KLF16: variants seen among roughly 807,000 people sequenced by gnomAD.
The protein encoded by KLF16 is Krueppel-like factor 16.
KLF16 carries 6 observed loss-of-function variants against 6.1 expected under a neutral mutation model. The observed-to-expected ratio is 0.98, with a 90% confidence interval of 0.54 to 1.93. The LOEUF (loss-of-function observed/expected upper bound fraction) is 1.93. Ranked by LOEUF, KLF16 falls within the 30% of genes most tolerant of loss-of-function variation. KLF16 has a pLI of 0.01. For missense variants in KLF16, 355 were observed against 363.8 expected (o/e 0.98, Z 0.20); for synonymous variants, 211 against 176.5 (o/e 1.20, Z -1.55).
chr19:1,864,781 G>A (rs566818666), upstream of KLF16, among the ~76,000 whole-genome samples: 13 of 152,218 alleles, frequency 8.5e-5, no homozygotes, highest in Non-Finnish European at 1.6e-4. Context: ...CCAGGGACGC[G>A]GATGGCCCAG....
Position 1,854,340 on chromosome 19 carries a change from G to T in KLF16, c.*119C>A. 8.1e-7 allele frequency: 1 copy of T among 1,240,148 alleles called. No homozygotes were observed. The highest frequency in any genetic ancestry group is 1.0e-6 in the Non-Finnish European group (1 of 960,912). The allele number at this position is 1,240,148 out of a possible 1,614,324, so 76.8% of individuals were successfully genotyped here. A position where few individuals can be genotyped will look rare whatever the true frequency, so the allele number is the denominator to read the frequency against. On this transcript the variant is annotated 3_prime_UTR_variant, in exon 2 of 2. Coordinates refer to ENST00000250916, the MANE Select transcript of KLF16 (RefSeq NM_031918.4). Reference sequence around the variant, plus strand: ...GCCCCCTCCTCACTCTCTGGAGGGGGGCAGGGGTGTCTTCAGGGTTTGCCC... The same window carrying T: ...GCCCCCTCCTCACTCTCTGGAGGGGTGCAGGGGTGTCTTCAGGGTTTGCCC...
chr19:1,865,853 CCTTA>C (rs565139046), upstream of KLF16, among the ~76,000 whole-genome samples: 4 of 152,358 alleles, frequency 2.6e-5, no homozygotes, highest in East Asian at 7.7e-4. Context: ...GTCCTCTCTT[CCTTA>C]CTCTCTATGA....
Position 1,863,031 on chromosome 19 carries a change from C to A in KLF16, c.457+10G>T. The A allele has an allele frequency of 4.4e-6, 6 of 1,356,112 alleles. No homozygotes were observed. The highest frequency in any genetic ancestry group is 5.8e-6 in the Non-Finnish European group (6 of 1,032,370). 84.0% of individuals were successfully genotyped at this position (1,356,112 alleles called of 1,614,324 possible). On this transcript the variant is annotated intron_variant, in intron 1 of 1. Transcript: ENST00000250916. ...GCCCCCGCAAGGGCCGGGATCGCGGCTGCACTCACCTGTGTGCGTCCGCAG... is the reference window on the plus strand; with the variant it reads ...GCCCCCGCAAGGGCCGGGATCGCGGATGCACTCACCTGTGTGCGTCCGCAG...
Position 1,857,442 on chromosome 19 carries a change from G to A in KLF16, c.458-2682C>T, listed in dbSNP as rs1274961548. On this transcript the variant is annotated intron_variant, in intron 1 of 1. Transcript: ENST00000250916. This position sits in a 1 kb window ranked among gnomAD's most constrained non-coding sequence, Gnocchi z 4.7. The stretch of plus-strand genomic sequence containing the variant: ...GCGGGAGGGCAGTGTGGGCGGGGCC[G>A]CGGTGGACTTGACCCTCTGACTCAG... 1.3e-5 allele frequency among the ~76,000 whole-genome samples: 2 copies of A among 152,240 alleles called. No individual in the cohort carries two copies. Among genetic ancestry groups the A allele is most frequent in the South Asian group, 2.1e-4 (1 of 4,832 alleles).
chr19:1,856,730 G>C (rs1351437386), intron 1 of KLF16, among the ~76,000 whole-genome samples: 1 of 152,222 alleles, frequency 6.6e-6, no homozygotes, highest in Non-Finnish European at 1.5e-5. Flanking sequence ...GTGGGAGCGC[G>C]GCTGGAGCAG....
Position 1,854,575 on chromosome 19 carries a change from C to T in KLF16, c.643G>A (p.Asp215Asn). 1.3e-6 allele frequency: 2 copies of T among 1,587,472 alleles called. No homozygotes were observed. The highest frequency in any genetic ancestry group is 2.2e-5 in the South Asian group (2 of 89,864). ...HARRHPGFHPDLLRRPGARST... is the reference protein window; with the variant it reads ...HARRHPGFHPNLLRRPGARST... ...CGGGCACCAGGGCGCCGGAGCAGGT[C>T]CGGGTGGAAGCCGGGGTGGCGGCGG... The change falls in exon 2 of 2, where the codon GAC becomes AAC. Residue 215 changes from aspartate to asparagine, a missense_variant. By Grantham distance (23) the Asp-to-Asn change is conservative. Coordinates refer to ENST00000250916, the MANE Select transcript of KLF16 (RefSeq NM_031918.4).
chr19:1,863,118 T>C lies in KLF16; in HGVS notation c.380A>G (p.His127Arg). Residue 127 changes from histidine (H) to arginine (R), a missense_variant, in exon 1 of 2, where the codon CAC becomes CGC. His to Arg is a conservative substitution (Grantham distance 29). Transcript: ENST00000250916. ...GAAPSAAAKS[H>R]RCPFPDCAKA... ...GGCGCAGTCCGGGAAGGGACAGCGG[T>C]GGCTCTTGGCGGCGGCGGAGGGCGC... is the stretch of plus-strand genomic sequence containing the variant. 3 of 1,353,074 alleles carry C rather than the reference T, an allele frequency of 2.2e-6. No individual in the cohort carries two copies. The highest frequency in any genetic ancestry group is 2.9e-6 in the Non-Finnish European group (3 of 1,033,768). 83.8% of individuals were successfully genotyped at this position (1,353,074 alleles called of 1,614,324 possible).
Position 1,857,860 on chromosome 19 carries a change from G to A in KLF16, c.458-3100C>T, listed in dbSNP as rs796803069. On this transcript the variant is annotated intron_variant, in intron 1 of 1. Transcript: ENST00000250916. This position sits in a 1 kb window ranked among gnomAD's most constrained non-coding sequence, Gnocchi z 4.7. ...CCAGGGAAGGGAGGAGCTCCTGAAGGTGATCCTTGAGCAGGTTCTATAGAA... is the reference window on the plus strand; with the variant it reads ...CCAGGGAAGGGAGGAGCTCCTGAAGATGATCCTTGAGCAGGTTCTATAGAA... 6.6e-6 allele frequency among the ~76,000 whole-genome samples: 1 copy of A among 152,036 alleles called. No homozygotes were observed. The highest frequency in any genetic ancestry group is 2.4e-5 in the African/African-American group (1 of 41,390).
At chr19:1,866,846 C>T (rs1019642273), upstream of KLF16, among the ~76,000 whole-genome samples, 7 of 151,764 alleles carry the variant, frequency 4.6e-5, no homozygotes, top group Non-Finnish European at 8.8e-5. Flanking sequence ...GGGAGAGGAC[C>T]GAGAACAGCC....
At chr19:1,870,213 A>C in the KLF16 span, among the ~76,000 whole-genome samples, 8 of 151,822 alleles carry the variant, frequency 5.3e-5, no homozygotes, top group South Asian at 1.3e-3. Flanking sequence ...TACAGGCGTG[A>C]GCCACCACAC....
At chr19:1,874,914 C>T in the KLF16 span, 2 of 152,064 alleles carry the variant, frequency 1.3e-5, no homozygotes, top group African/African-American at 4.8e-5. Context: ...TTATAATAAA[C>T]ATATTTTCCA....
At chr19:1,856,062 A>C (rs2011942814) in intron 1 of KLF16, among the ~76,000 whole-genome samples, 1 of 152,220 alleles carries the variant, frequency 6.6e-6, no homozygotes. Flanking sequence ...CAAACTGGGC[A>C]GCCCACGCCC....
At chr19:1,872,720 G>A in the KLF16 span, among the ~76,000 whole-genome samples, 1 of 152,004 alleles carries the variant, frequency 6.6e-6, no homozygotes, top group African/African-American at 2.4e-5. Context: ...GGGAGACGCC[G>A]AGTGCCGAGG....
Position 1,863,089 on chromosome 19 carries a change from C to T in KLF16, c.409G>A (p.Ala137Thr), listed in dbSNP as rs1488589273. The change falls in exon 1 of 2, where the codon GCC (alanine) becomes ACC (threonine). Residue 137 changes from alanine (A) to threonine (T), a missense_variant. Coordinates refer to ENST00000250916, the MANE Select transcript of KLF16 (RefSeq NM_031918.4). ...TTTAGGTGCGAGGACTTGTAGTAGGCTTTGGCGCAGTCCGGGAAGGGACAG... is the reference window on the plus strand; with the variant it reads ...TTTAGGTGCGAGGACTTGTAGTAGGTTTTGGCGCAGTCCGGGAAGGGACAG... ...HRCPFPDCAK[A>T]YYKSSHLKSH... 7.1e-7 allele frequency: 1 copy of T among 1,407,760 alleles called. No individual in the cohort carries two copies. Among genetic ancestry groups the T allele is most frequent in the Non-Finnish European group, 9.4e-7 (1 of 1,062,458 alleles). 87.2% of individuals were successfully genotyped at this position (1,407,760 alleles called of 1,614,324 possible).
rs2011987509 is a variant in KLF16 at position 1,857,905 on chromosome 19, G to A, written c.458-3145C>T. Among the ~76,000 whole-genome samples, 1 of 152,026 alleles carries A rather than the reference G, an allele frequency of 6.6e-6. No individual in the cohort carries two copies. Among genetic ancestry groups the A allele is most frequent in the South Asian group, 2.1e-4 (1 of 4,828 alleles). ...ATAGAACCTATAGGCAGCTGCTTCT[G>A]GGAGCCGCTGCAGAAAAGGGGGAAC... On this transcript the variant is annotated intron_variant, in intron 1 of 1. Coordinates refer to ENST00000250916, the MANE Select transcript of KLF16 (RefSeq NM_031918.4). This position sits in a 1 kb window ranked among gnomAD's most constrained non-coding sequence, Gnocchi z 4.7.
chr19:1,853,444 GCAGCCCA>G lies in KLF16; in HGVS notation c.*1008_*1014del, dbSNP rs2011877788. 6.6e-6 allele frequency: 1 copy of G among 152,552 alleles called. No homozygotes were observed. Among genetic ancestry groups the G allele is most frequent in the African/African-American group, 2.4e-5 (1 of 41,430 alleles). 9.4% of individuals were successfully genotyped at this position (152,552 alleles called of 1,614,324 possible). On this transcript the variant is annotated 3_prime_UTR_variant, in exon 2 of 2. Coordinates refer to ENST00000250916, the MANE Select transcript of KLF16 (RefSeq NM_031918.4). ...CAGGGAAGCAGGGCCGGGCCAGGCT[GCAGCCCA>G]GGCCCGGAAGAGCCTGCAACCCCGG...
chr19:1,856,168 T>C (rs528461394), intron 1 of KLF16, among the ~76,000 whole-genome samples: 2 of 151,874 alleles, frequency 1.3e-5, no homozygotes, highest in Non-Finnish European at 2.9e-5. Context: ...GCAGGGACCA[T>C]GGTGAGGGGT....
rs1267857376 is a variant in KLF16, at chr19:1,862,717, GAAAA to G, written c.457+320_457+323del. 17 of 182,268 alleles carry G rather than the reference GAAAA, an allele frequency of 9.3e-5. No individual in the cohort carries two copies. The East Asian group carries it at 1.4e-3, about 15-fold the overall frequency. The allele number at this position is 182,268 out of a possible 1,614,324, so 11.3% of individuals were successfully genotyped here. Reference sequence around the variant, plus strand: ...CCACCGCCCAGACCAGAACGCAAAAGAAAAAAAAAAAAACGGAACAAGGCCCAGA... The same window carrying G: ...CCACCGCCCAGACCAGAACGCAAAAGAAAAAAAAACGGAACAAGGCCCAGA... On this transcript the variant is annotated intron_variant, in intron 1 of 1. Coordinates refer to ENST00000250916, the MANE Select transcript of KLF16 (RefSeq NM_031918.4).
At chr19:1,875,026 G>C in the KLF16 span, 1 of 152,200 alleles carries the variant, frequency 6.6e-6, no homozygotes, top group Non-Finnish European at 1.5e-5. Flanking sequence ...AAGCTACAGT[G>C]AAATACTATC....
Sources: gnomAD v4.1 joint callset for allele counts (sites outside exome capture counted in the v4.1 genomes callset) on GRCh38, gnomAD v4.1.1 for gene constraint, Gnocchi (gnomAD v3.1) non-coding constraint, MANE v1.5 for transcripts, NCBI Gene and HGNC (gene_info 2026-07-23, HGNC 2026-07-21) for gene names.